The following RTN1 variants were observed in gnomAD, a reference collection of about 807,000 sequenced individuals.
RTN1 encodes reticulon-1.
In RTN1, 25 loss-of-function variants were observed where a neutral mutation model predicts 65.5. That is an observed-to-expected ratio of 0.38 (90% CI 0.28 to 0.53). The LOEUF is 0.53. RTN1 is among the 20% of genes least tolerant of loss of function. RTN1 has a pLI of 0.79. For missense variants in RTN1, 983 were observed against 1,025.4 expected, an observed-to-expected ratio of 0.96 and a Z score of 0.57; for synonymous variants, 471 against 447.6, an observed-to-expected ratio of 1.05 and a Z score of -0.66.
chr14:59,854,167 T>G lies in RTN1; in HGVS notation c.241+16223A>C, dbSNP rs533248707. On this transcript the variant is annotated intron_variant, in intron 1 of 8. Transcript: ENST00000267484. ...AGCCACCACACCCAGCCAAACTTTTTAACTTTTTAAATGCAATTAATTGTT... is the reference window on the plus strand; with the variant it reads ...AGCCACCACACCCAGCCAAACTTTTGAACTTTTTAAATGCAATTAATTGTT... Among the ~76,000 whole-genome samples the G allele has an allele frequency of 3.3e-5, 5 of 152,228 alleles. No individual in the cohort carries two copies. In the East Asian group the frequency reaches 7.8e-4, roughly 24 times the overall value.
At chr14:59,777,448 C>T (rs907957416) in intron 1 of RTN1, among the ~76,000 whole-genome samples, 1 of 152,138 alleles carries the variant, frequency 6.6e-6, no homozygotes, top group Non-Finnish European at 1.5e-5. Context: ...AGCAGTGTAT[C>T]CTTTTAAGTG....
chr14:59,663,032 G>T (rs1883285099), intron 3 of RTN1, among the ~76,000 whole-genome samples: 1 of 152,278 alleles, frequency 6.6e-6, no homozygotes, highest in Non-Finnish European at 1.5e-5. Context: ...CAAGGCTACA[G>T]TAACCAAAAC....
At chr14:59,668,538 C>T (rs1160726796) in intron 3 of RTN1, among the ~76,000 whole-genome samples, 2 of 152,144 alleles carry the variant, frequency 1.3e-5, no homozygotes, top group Admixed American at 1.3e-4. Context: ...AGGACATAGG[C>T]ATGGGCAAGG....
chr14:59,643,805 A>G (rs1489456844), intron 3 of RTN1, among the ~76,000 whole-genome samples: 1 of 152,224 alleles, frequency 6.6e-6, no homozygotes, highest in Non-Finnish European at 1.5e-5. Flanking sequence ...GTCAGAATCT[A>G]AAGTTGTCAC....
At chr14:59,797,881 G>C (rs1886468036) in intron 1 of RTN1, among the ~76,000 whole-genome samples, 1 of 152,158 alleles carries the variant, frequency 6.6e-6, no homozygotes, top group Non-Finnish European at 1.5e-5. Flanking sequence ...TGTTGACCCA[G>C]TGATGCCAAC....
chr14:59,676,572 A>G (rs1411924020), intron 3 of RTN1, among the ~76,000 whole-genome samples: 5 of 152,224 alleles, frequency 3.3e-5, no homozygotes, highest in Non-Finnish European at 7.3e-5. Flanking sequence ...CAAAGGGCAC[A>G]TGCAAAAACA....
intron 1 of RTN1, among the ~76,000 whole-genome samples, chr14:59,748,190 C>G (rs901865841): frequency 6.8e-6 from 1 of 146,660 alleles, no homozygotes; most frequent in Admixed American, 7.0e-5. Flanking sequence ...CGCTTTGCCC[C>G]GATTAAGTCA....
At chr14:59,800,646 C>T (rs1396999301) in intron 1 of RTN1, among the ~76,000 whole-genome samples, 1 of 152,162 alleles carries the variant, frequency 6.6e-6, no homozygotes, top group Non-Finnish European at 1.5e-5. Flanking sequence ...GTGATCTGCC[C>T]ACCTCAGCCT....
chr14:59,709,538 C>A (rs566881663), intron 3 of RTN1, among the ~76,000 whole-genome samples: 2 of 152,212 alleles, frequency 1.3e-5, no homozygotes, highest in Non-Finnish European at 2.9e-5. Context: ...TTAGAAAGCA[C>A]GTCAATGGTG....
rs1271562731 is a variant in RTN1 at position 59,602,088 on chromosome 14, A to G, written c.2288+977T>C. Among the ~76,000 whole-genome samples, 6 of 152,292 alleles carry G rather than the reference A, an allele frequency of 3.9e-5. No homozygotes were observed. In the East Asian group the frequency reaches 1.2e-3, roughly 29 times the overall value. The stretch of plus-strand genomic sequence containing the variant: ...GTAAATAATACACAGTAAAAAACAA[A>G]AGTTTATAAACTTCAGAGGGAACTG... On this transcript the variant is annotated intron_variant, in intron 8 of 8. Transcript: ENST00000267484.
chr14:59,766,710 CG>C lies in RTN1; in HGVS notation c.242-20230del, dbSNP rs1168894940. 3.3e-5 allele frequency among the ~76,000 whole-genome samples: 5 copies of C among 152,050 alleles called. No individual in the cohort carries two copies. The highest frequency in any genetic ancestry group is 1.2e-4 in the African/African-American group (5 of 41,374). On this transcript the variant is annotated intron_variant, in intron 1 of 8. Transcript: ENST00000267484. This position sits in a 1 kb window ranked among gnomAD's most constrained non-coding sequence, Gnocchi z 4.4. The stretch of plus-strand genomic sequence containing the variant: ...ATCTTTTCTTCTGGACTAGAAGAAA[CG>C]GAAGGAAAGAGTGTTGAATACCTGC...
At chr14:59,629,550 C>T (rs1035117691) in intron 3 of RTN1, among the ~76,000 whole-genome samples, 1 of 152,190 alleles carries the variant, frequency 6.6e-6, no homozygotes, top group African/African-American at 2.4e-5. Context: ...AAAGACACTA[C>T]CTCCGACAAA....
chr14:59,739,507 C>T (rs1885072310), intron 2 of RTN1, among the ~76,000 whole-genome samples: 1 of 149,300 alleles, frequency 6.7e-6, no homozygotes, highest in Non-Finnish European at 1.5e-5. Context: ...TGCCACTGCA[C>T]TCCAGCCTGG....
intron 1 of RTN1, among the ~76,000 whole-genome samples, chr14:59,827,327 C>A (rs1887050650): frequency 6.6e-6 from 1 of 152,184 alleles, no homozygotes; most frequent in Non-Finnish European, 1.5e-5. Flanking sequence ...ATCCGCCGGC[C>A]TCGGCCTCCC....
intron 1 of RTN1, among the ~76,000 whole-genome samples, chr14:59,754,478 T>C (rs1315708558): frequency 6.6e-6 from 1 of 152,148 alleles, no homozygotes; most frequent in Non-Finnish European, 1.5e-5. Flanking sequence ...ATCCATAGCT[T>C]AGGCAGTTTG....
At chr14:59,605,312 A>G in intron 5 of RTN1, 56 bp downstream of exon 5, 2 of 1,557,846 alleles carry the variant, frequency 1.3e-6, no homozygotes, top group Non-Finnish European at 1.7e-6. Context: ...ACAGTATTAC[A>G]CCTTTAGGGA....
chr14:59,672,536 G>C (rs1453067121), intron 3 of RTN1, among the ~76,000 whole-genome samples: 1 of 150,534 alleles, frequency 6.6e-6, no homozygotes, highest in African/African-American at 2.4e-5. Context: ...TTCTCAAGCA[G>C]ATTGTATGTT....
intron 1 of RTN1, among the ~76,000 whole-genome samples, chr14:59,853,953 C>G (rs1389265935): frequency 1.3e-5 from 2 of 151,078 alleles, no homozygotes; most frequent in Non-Finnish European, 2.9e-5. Flanking sequence ...CAACCTCCGC[C>G]TCCTGGGTTC....
chr14:59,625,178 T>A (rs1882360714), intron 3 of RTN1, among the ~76,000 whole-genome samples: 1 of 152,168 alleles, frequency 6.6e-6, no homozygotes, highest in African/African-American at 2.4e-5. Flanking sequence ...CAATCCCTAT[T>A]GATATATAGT....
Sources: allele counts gnomAD v4.1 joint callset (sites outside exome capture counted in the v4.1 genomes callset), GRCh38; gene constraint gnomAD v4.1.1; non-coding constraint Gnocchi (gnomAD v3.1); transcripts MANE v1.5; gene names NCBI Gene and HGNC (gene_info 2026-07-23, HGNC 2026-07-21).